Variants in DCAF4 observed in about 807,000 individuals in gnomAD.
The protein encoded by DCAF4 is DDB1- and CUL4-associated factor 4.
A neutral mutation model predicts 60.9 loss-of-function variants in DCAF4; 37 were observed. The observed-to-expected ratio is 0.61, with a 90% CI of 0.47 to 0.80. The LOEUF (loss-of-function observed/expected upper bound fraction) is 0.80. DCAF4 is among the 30% of genes least tolerant of loss of function. The probability of loss-of-function intolerance (pLI) is 0.00; values close to 1 mark genes in which losing one functional copy is unlikely to be tolerated. For missense variants in DCAF4, 577 were observed against 650.0 expected, an observed-to-expected ratio of 0.89 and a Z score of 1.22; for synonymous variants, 243 against 254.8, an observed-to-expected ratio of 0.95 and a Z score of 0.44.
At chr14:72,938,102 C>T in intron 2 of DCAF4, 32 bp downstream of exon 2, 1 of 1,572,728 alleles carries the variant, frequency 6.4e-7, no homozygotes, top group Non-Finnish European at 8.6e-7. Context: ...GCCACTTTTG[C>T]CCAGTGTGCT....
chr14:72,954,530 G>C (rs1892015287), intron 11 of DCAF4, 47 bp downstream of exon 11: 1 of 1,591,228 alleles, frequency 6.3e-7, no homozygotes, highest in Non-Finnish European at 8.6e-7. Flanking sequence ...GCCCCATGTA[G>C]AAATTTGGCC....
In DCAF4 at chr14:72,943,003, C is replaced by T. The variant is rs1383567013; in HGVS notation, c.441C>T (p.His147=). 4 of 1,614,116 alleles carry T rather than the reference C, an allele frequency of 2.5e-6. No individual in the cohort carries two copies. The highest frequency in any genetic ancestry group is 2.2e-5 in the East Asian group (1 of 44,880). ...CCCTCTGTTTCTGCAGTTTAGCCCA[C>T]GAGCTGCGTCTCAGCTGCATGGAGA... is the stretch of plus-strand genomic sequence containing the variant. ...LNVTNYCHLA[H]ELRLSCMERK... The change falls in exon 6 of 14, where the codon CAC becomes CAT. Residue 147 remains histidine (H), a synonymous_variant. Coordinates refer to ENST00000358377, the MANE Select transcript of DCAF4 (RefSeq NM_015604.4).
chr14:72,927,188 C>T (rs1270712213), intron 1 of DCAF4, among the ~76,000 whole-genome samples: 1 of 152,186 alleles, frequency 6.6e-6, no homozygotes, highest in Admixed American at 6.5e-5. Flanking sequence ...AACCATGACG[C>T]CTTTCACCAT....
chr14:72,960,949 C>G (rs1475708461), downstream of DCAF4, among the ~76,000 whole-genome samples: 1 of 151,434 alleles, frequency 6.6e-6, no homozygotes, highest in African/African-American at 2.4e-5. Flanking sequence ...TGCAGTAGCA[C>G]AATTACTACT....
intron 9 of DCAF4, among the ~76,000 whole-genome samples, chr14:72,953,732 A>AAAAATATATATATATATATAT (rs1555527852): frequency 4.6e-5 from 1 of 21,778 alleles, no homozygotes; most frequent in East Asian, 1.2e-3. Flanking sequence ...AAAAAAAAAA[A>AAAAATATATATATATATATAT]ATATATATAT....
rs1892643178 is a variant in DCAF4 at position 72,958,900 on chromosome 14, T to C, written c.*95T>C. ...CTAATGAGGGTGTTTTAAGTGACACTCAGTGTACACAGATCCCATCCTCTG... is the reference window on the plus strand; with the variant it reads ...CTAATGAGGGTGTTTTAAGTGACACCCAGTGTACACAGATCCCATCCTCTG... On this transcript the variant is annotated 3_prime_UTR_variant, in exon 14 of 14. Transcript: ENST00000358377. 5.4e-6 allele frequency: 8 copies of C among 1,490,714 alleles called. No individual in the cohort carries two copies. In the Admixed American group the frequency reaches 7.2e-5, roughly 13 times the overall value. 92.3% of individuals were successfully genotyped at this position (1,490,714 alleles called of 1,614,324 possible).
intron 1 of DCAF4, among the ~76,000 whole-genome samples, chr14:72,928,666 GTTT>G (rs1367134545): frequency 6.6e-6 from 1 of 151,422 alleles, no homozygotes; most frequent in Non-Finnish European, 1.5e-5. Flanking sequence ...AATCCAGTGG[GTTT>G]TTTTATTATT....
intron 1 of DCAF4, among the ~76,000 whole-genome samples, chr14:72,931,425 C>T (rs1046560199): frequency 3.3e-5 from 5 of 151,954 alleles, no homozygotes; most frequent in African/African-American, 9.7e-5. Flanking sequence ...GATCTTGTAT[C>T]CTGCAACCTT....
intron 8 of DCAF4, among the ~76,000 whole-genome samples, chr14:72,950,045 T>C (rs1342144478): frequency 2.0e-5 from 3 of 152,154 alleles, no homozygotes; most frequent in African/African-American, 7.2e-5. Flanking sequence ...TTGGTATGTT[T>C]GGCAGCAGTT....
In DCAF4 at chr14:72,953,727, AAAAAAATATAT is replaced by A. The variant is rs1478026822; in HGVS notation, c.809-435_809-425del. On this transcript the variant is annotated intron_variant, in intron 9 of 13. Coordinates refer to ENST00000358377, the MANE Select transcript of DCAF4 (RefSeq NM_015604.4). ...CCTGTCTTAAAAAAAAAAAAAAAAAAAAAAAATATATATATATATATATATATATATATATA... is the reference window on the plus strand; with the variant it reads ...CCTGTCTTAAAAAAAAAAAAAAAAAAATATATATATATATATATATATATA... Among the ~76,000 whole-genome samples, 82 of 47,368 alleles carry A rather than the reference AAAAAAATATAT, an allele frequency of 1.7e-3. 6 individuals carry two copies. The highest frequency in any genetic ancestry group is 2.5e-3 in the Non-Finnish European group (65 of 26,268). The allele number at this position is 47,368 out of a possible 152,430, so 31.1% of individuals were successfully genotyped here.
At chr14:72,958,447 A>G (rs964450167) in intron 13 of DCAF4, among the ~76,000 whole-genome samples, 165 bp from the exon 14 acceptor site, 5 of 152,236 alleles carry the variant, frequency 3.3e-5, no homozygotes, top group African/African-American at 1.2e-4. Flanking sequence ...CTAGCACAAC[A>G]GGGCGACTTG....
intron 8 of DCAF4, among the ~76,000 whole-genome samples, chr14:72,949,991 A>T (rs1055510521): frequency 1.3e-5 from 2 of 152,148 alleles, no homozygotes; most frequent in African/African-American, 4.8e-5. Context: ...CCATGAGGGC[A>T]GGAAGAGGCC....
intron 1 of DCAF4, among the ~76,000 whole-genome samples, chr14:72,937,506 C>T (rs971545738): frequency 6.7e-6 from 1 of 149,342 alleles, no homozygotes; most frequent in African/African-American, 2.5e-5. Context: ...CTGTAAACTC[C>T]ACCTCCCGGG....
Position 72,940,262 on chromosome 14 carries a change from TC to T in DCAF4, c.238del (p.Arg80AlafsTer12). 6.2e-7 allele frequency: 1 copy of T among 1,614,076 alleles called. No individual in the cohort carries two copies. On this transcript the variant is annotated frameshift_variant, in exon 4 of 14. Transcript: ENST00000358377. LOFTEE classifies it high-confidence loss of function. ...FYFDPEKKRY[F>X]RLLPGHNNCN... is the part of the protein sequence containing the mutation. ...TTTGACCCTGAAAAGAAACGCTACTTCCGCTTGCTCCCTGGACATAACAACT... is the reference window on the plus strand; with the variant it reads ...TTTGACCCTGAAAAGAAACGCTACTTCGCTTGCTCCCTGGACATAACAACT...
Position 72,953,732 on chromosome 14 carries a change from A to AAAT in DCAF4, c.809-431_809-430insATA, listed in dbSNP as rs1555527852. Among the ~76,000 whole-genome samples the AAAT allele has an allele frequency of 8.7e-4, 19 of 21,766 alleles. 3 individuals are homozygous for AAAT. Among genetic ancestry groups the AAAT allele is most frequent in the African/African-American group, 4.4e-3 (19 of 4,300 alleles). The allele number at this position is 21,766 out of a possible 152,430, so 14.3% of individuals were successfully genotyped here. On this transcript the variant is annotated intron_variant, in intron 9 of 13. Transcript: ENST00000358377. The stretch of plus-strand genomic sequence containing the variant: ...CTTAAAAAAAAAAAAAAAAAAAAAA[A>AAAT]ATATATATATATATATATATATATA...
chr14:72,941,579 G>A (rs546397341), intron 4 of DCAF4, among the ~76,000 whole-genome samples, 166 bp from the exon 5 acceptor site: 3 of 151,564 alleles, frequency 2.0e-5, no homozygotes, highest in South Asian at 2.1e-4. Flanking sequence ...TCCTCTTGCC[G>A]AGGAAGGGAG....
rs146493974 is a variant in DCAF4 at position 72,958,749 on chromosome 14, G to A, written c.1432G>A (p.Ala478Thr). 477 of 1,610,308 alleles carry A rather than the reference G, an allele frequency of 3.0e-4. No homozygotes were observed. The highest frequency in any genetic ancestry group is 3.9e-4 in the Non-Finnish European group (455 of 1,178,278). Reference sequence around the variant, plus strand: ...GTCGCGGCTGGGGGGCTCCCGGGGCGCGCCGGGGCTGCTCATGGCTGTCGG... The same window carrying A: ...GTCGCGGCTGGGGGGCTCCCGGGGCACGCCGGGGCTGCTCATGGCTGTCGG... ...FSSRLGGSRG[A>T]PGLLMAVGQD... The change falls in exon 14 of 14, where the codon GCG (alanine) becomes ACG (threonine). Residue 478 changes from alanine (A) to threonine (T), a missense_variant. Physicochemically the swap from Ala to Thr is moderately conservative, Grantham distance 58. Transcript: ENST00000358377.
chr14:72,947,351 A>G (rs1056181252), intron 8 of DCAF4, among the ~76,000 whole-genome samples, 160 bp downstream of exon 8: 3 of 152,258 alleles, frequency 2.0e-5, no homozygotes, highest in African/African-American at 7.2e-5. Flanking sequence ...GTACCTGGAT[A>G]GAACACAAGG....
At chr14:72,961,946 T>C, downstream of DCAF4, 1 of 1,146,770 alleles carries the variant, frequency 8.7e-7, no homozygotes, top group Non-Finnish European at 1.1e-6. Flanking sequence ...ACCCCAGCTC[T>C]CCGTCGGAGC....
Sources: gnomAD v4.1 joint callset for allele counts (sites outside exome capture counted in the v4.1 genomes callset) on GRCh38, gnomAD v4.1.1 for gene constraint, MANE v1.5 for transcripts, NCBI Gene and HGNC (gene_info 2026-07-23, HGNC 2026-07-21) for gene names.